PNLIPRP1: variants seen among roughly 807,000 people sequenced by gnomAD.
PNLIPRP1 encodes the protein pancreatic lipase related protein 1.
Under a neutral mutation model 54.6 loss-of-function variants are expected in PNLIPRP1, and 57 were observed. That is an observed-to-expected ratio of 1.04 (90% confidence interval 0.84 to 1.30). The LOEUF (loss-of-function observed/expected upper bound fraction) is 1.30. Among genes scored for constraint, PNLIPRP1 ranks in the 50% most tolerant of loss-of-function variants. The pLI, the probability that PNLIPRP1 is intolerant of heterozygous loss-of-function variation, is 0.00. For missense variants in PNLIPRP1, 567 were observed against 568.5 expected (o/e 1.00, Z 0.03); for synonymous variants, 232 against 208.8 (o/e 1.11, Z -0.96).
chr10:116,606,273 G>A (rs1422968040), intron 12 of PNLIPRP1, among the ~76,000 whole-genome samples: 1 of 152,140 alleles, frequency 6.6e-6, no homozygotes, highest in Non-Finnish European at 1.5e-5. Context: ...TGGGGAGGGT[G>A]GGGTGGCAGA....
chr10:116,594,974 C>T (rs1847710432), intron 5 of PNLIPRP1, 110 bp downstream of exon 5: 1 of 1,302,952 alleles, frequency 7.7e-7, no homozygotes, highest in Non-Finnish European at 1.0e-6. Context: ...GAATTGATAT[C>T]CAGACCTTAC....
chr10:116,598,159 C>A lies in PNLIPRP1; in HGVS notation c.807C>A (p.Ile269=), dbSNP rs1464764876. 1 of 1,613,362 alleles carries A rather than the reference C, an allele frequency of 6.2e-7. No individual in the cohort carries two copies. Among genetic ancestry groups the A allele is most frequent in the Admixed American group, 1.7e-5 (1 of 59,968 alleles). Residue 269 remains isoleucine, a synonymous_variant, in exon 8 of 13, where the codon ATC becomes ATA. Transcript: ENST00000358834. ...CTCAGATCGTGGATCTAGATGGCAT[C>A]TGGGCGGGTAAAGTCATGGTGGGGT... is the stretch of plus-strand genomic sequence containing the variant. ...ALSQIVDLDG[I]WAGTRDFVAC...
At chr10:116,608,930 C>T (rs1333399560) in intron 12 of PNLIPRP1, 123 bp from the exon 13 acceptor site, 1 of 778,458 alleles carries the variant, frequency 1.3e-6, no homozygotes, top group African/African-American at 1.7e-5. Context: ...CACTCATCAA[C>T]TGTGACCTGG....
intron 6 of PNLIPRP1, among the ~76,000 whole-genome samples, chr10:116,596,627 A>G (rs980340054): frequency 2.6e-5 from 4 of 152,182 alleles, no homozygotes; most frequent in African/African-American, 7.2e-5. Flanking sequence ...AGGAAAATGC[A>G]GAGTGAGACT....
Position 116,605,395 on chromosome 10 carries a change from C to A in PNLIPRP1, c.1182C>A (p.Leu394=). The A allele has an allele frequency of 6.3e-7, 1 of 1,577,550 alleles. No homozygotes were observed. The highest frequency in any genetic ancestry group is 1.2e-5 in the South Asian group (1 of 85,086). Residue 394 remains leucine (L), a synonymous_variant, in exon 12 of 13, where the codon CTC becomes CTA. Coordinates refer to ENST00000358834, the MANE Select transcript of PNLIPRP1 (RefSeq NM_006229.4). ...THQYSIFRGI[L]KPGSTHSYEF... ...GTTTCTCTATTTCAAGGGGGATTCT[C>A]AAACCAGGCTCAACCCATTCCTATG...
chr10:116,605,630 T>C, intron 12 of PNLIPRP1, 77 bp downstream of exon 12: 1 of 1,114,394 alleles, frequency 9.0e-7, no homozygotes, highest in Non-Finnish European at 1.2e-6. Flanking sequence ...CCTAGAAAGT[T>C]ACGTGTAGTT....
Position 116,592,979 on chromosome 10 carries a change from C to T in PNLIPRP1, c.330+438C>T, listed in dbSNP as rs1399981027. The T allele has an allele frequency of 1.9e-5, 6 of 309,238 alleles. No individual in the cohort carries two copies. The Admixed American group carries it at 2.7e-4, about 14-fold the overall frequency. The allele number at this position is 309,238 out of a possible 1,614,324, so 19.2% of individuals were successfully genotyped here. On this transcript the variant is annotated intron_variant, in intron 4 of 12. Coordinates refer to ENST00000358834, the MANE Select transcript of PNLIPRP1 (RefSeq NM_006229.4). Reference sequence around the variant, plus strand: ...GGTCAGGAGTTCGAGACCAGCCTGGCGAACATGGTGAAACCCTATCTCTAC... The same window carrying T: ...GGTCAGGAGTTCGAGACCAGCCTGGTGAACATGGTGAAACCCTATCTCTAC...
chr10:116,606,686 C>T (rs1847941928), intron 12 of PNLIPRP1, among the ~76,000 whole-genome samples: 1 of 152,086 alleles, frequency 6.6e-6, no homozygotes, highest in South Asian at 2.1e-4. Context: ...GCATACAAGT[C>T]CAAATCAGCC....
Position 116,604,121 on chromosome 10 carries a change from C to A in PNLIPRP1, c.1155C>A (p.His385Gln). Reference sequence around the variant, plus strand: ...TGTTTGGAAATAAGGGAAACACTCACCAGTACAGTATCTTCAGGTAATTTC... The same window carrying A: ...TGTTTGGAAATAAGGGAAACACTCAACAGTACAGTATCTTCAGGTAATTTC... ...VALFGNKGNT[H>Q]QYSIFRGILK... The change falls in exon 11 of 13, where the codon CAC (histidine) becomes CAA (glutamine). Residue 385 changes from histidine to glutamine, a missense_variant. By Grantham distance (24) the His-to-Gln change is conservative (BLOSUM62 0). Transcript: ENST00000358834. 6.3e-7 allele frequency: 1 copy of A among 1,596,408 alleles called. No homozygotes were observed. The highest frequency in any genetic ancestry group is 8.6e-7 in the Non-Finnish European group (1 of 1,163,982).
intron 11 of PNLIPRP1, among the ~76,000 whole-genome samples, chr10:116,605,078 T>C (rs1265963775): frequency 6.6e-6 from 1 of 152,214 alleles, no homozygotes; most frequent in Non-Finnish European, 1.5e-5. Context: ...TAACACATGC[T>C]TATTGTGCCA....
intron 8 of PNLIPRP1, among the ~76,000 whole-genome samples, chr10:116,598,801 C>T (rs1847780253): frequency 6.6e-6 from 1 of 152,098 alleles, no homozygotes; most frequent in Non-Finnish European, 1.5e-5. Flanking sequence ...TCTAATGAGG[C>T]CAAAAGGACA....
At chr10:116,600,005 G>T in intron 8 of PNLIPRP1, 42 bp from the exon 9 acceptor site, 1 of 1,285,654 alleles carries the variant, frequency 7.8e-7, no homozygotes, top group Non-Finnish European at 1.1e-6. Flanking sequence ...GCTGTTACAG[G>T]CCCCCAACCA....
At chr10:116,598,929 G>C (rs1189215178) in intron 8 of PNLIPRP1, among the ~76,000 whole-genome samples, 1 of 152,176 alleles carries the variant, frequency 6.6e-6, no homozygotes, top group Non-Finnish European at 1.5e-5. Context: ...AAAATGGCTT[G>C]GCATATATGG....
chr10:116,595,200 C>T (rs1847713750), intron 5 of PNLIPRP1: 1 of 285,642 alleles, frequency 3.5e-6, no homozygotes, highest in South Asian at 4.2e-5. Flanking sequence ...CAGAATTCAC[C>T]CACAACACCA....
intron 1 of PNLIPRP1, 61 bp downstream of exon 1, chr10:116,591,056 T>C (rs531061121): frequency 2.7e-5 from 32 of 1,182,226 alleles, no homozygotes; most frequent in Middle Eastern, 1.9e-4. Context: ...TAAACAGTAC[T>C]GAAGTCCAGG....
Position 116,597,820 on chromosome 10 carries a change from T to G in PNLIPRP1, c.575-8T>G. 6.2e-7 allele frequency: 1 copy of G among 1,614,156 alleles called. No homozygotes were observed. The highest frequency in any genetic ancestry group is 1.3e-5 in the African/African-American group (1 of 75,044). On this transcript the variant is annotated splice_region_variant and splice_polypyrimidine_tract_variant and intron_variant, in intron 6 of 12. Coordinates refer to ENST00000358834, the MANE Select transcript of PNLIPRP1 (RefSeq NM_006229.4). ...CTATTGTTCTGCAGTGCTGATCATC[T>G]CTTTTAGGGTTGGATCCTGTAGAAG...
intron 4 of PNLIPRP1, chr10:116,592,989 G>A: frequency 3.2e-6 from 1 of 310,856 alleles, no homozygotes; most frequent in Non-Finnish European, 6.3e-6. Flanking sequence ...CGAACATGGT[G>A]AAACCCTATC....
At chr10:116,604,423 T>C (rs201646972) in intron 11 of PNLIPRP1, among the ~76,000 whole-genome samples, 2 of 152,330 alleles carry the variant, frequency 1.3e-5, no homozygotes, top group Admixed American at 1.3e-4. Flanking sequence ...TAACATGTAG[T>C]ACAGGTTTGT....
In PNLIPRP1 at chr10:116,596,302, C is replaced by A; in HGVS notation, c.554C>A (p.Pro185Gln). 6.2e-7 allele frequency: 1 copy of A among 1,611,642 alleles called. No individual in the cohort carries two copies. Among genetic ancestry groups the A allele is most frequent in the Non-Finnish European group, 8.5e-7 (1 of 1,177,782 alleles). Residue 185 changes from proline (P) to glutamine (Q), a missense_variant, in exon 6 of 13, where the codon CCA becomes CAA. Transcript: ENST00000358834. ...GCTGGAGAGGCAGGAAGCAAGACTC[C>A]AGGCCTGAGCAGGATTACAGGTAAG... Reference protein sequence around the residue: ...HVAGEAGSKTPGLSRITGLDP... With the variant: ...HVAGEAGSKTQGLSRITGLDP...
Sources: allele counts gnomAD v4.1 joint callset (sites outside exome capture counted in the v4.1 genomes callset), GRCh38; gene constraint gnomAD v4.1.1; transcripts MANE v1.5; gene names NCBI Gene and HGNC (gene_info 2026-07-23, HGNC 2026-07-21).